DNAJB6: variants seen among roughly 807,000 people sequenced by gnomAD.
DNAJB6 encodes dnaJ homolog subfamily B member 6.
A neutral mutation model predicts 42.7 loss-of-function variants in DNAJB6; 16 were observed. The ratio of observed to expected loss-of-function variants is 0.37; its 90% CI spans 0.25 to 0.57. The LOEUF (loss-of-function observed/expected upper bound fraction) is 0.57. Ranked by LOEUF, DNAJB6 falls within the 20% of genes least tolerant of loss-of-function variation. DNAJB6 has a pLI of 0.74. For missense variants in DNAJB6, 347 were observed against 416.8 expected, an observed-to-expected ratio of 0.83 and a Z score of 1.46; for synonymous variants, 170 against 163.5, an observed-to-expected ratio of 1.04 and a Z score of -0.30.
chr7:157,391,232 A>C (rs1801326043), intron 8 of DNAJB6, among the ~76,000 whole-genome samples: 1 of 152,194 alleles, frequency 6.6e-6, no homozygotes, highest in African/African-American at 2.4e-5. Context: ...TGGAGTTTGC[A>C]GCCTGCGTGA....
At chr7:157,392,099 C>CAAAA (rs57861175) in intron 8 of DNAJB6, among the ~76,000 whole-genome samples, 1,996 of 112,150 alleles carry the variant, frequency 0.018, 60 homozygotes, top group African/African-American at 0.06. Context: ...GACCCTGTCT[C>CAAAA]AAAAAAAAAA....
chr7:157,353,735 C>CTG (rs958383670), intron 1 of DNAJB6, among the ~76,000 whole-genome samples: 2 of 152,082 alleles, frequency 1.3e-5, no homozygotes, highest in Non-Finnish European at 2.9e-5. Context: ...TCCTGACTCA[C>CTG]TGTAGCCTTG....
chr7:157,350,254 G>A (rs2116899365), intron 1 of DNAJB6, among the ~76,000 whole-genome samples: 1 of 152,314 alleles, frequency 6.6e-6, no homozygotes, highest in Non-Finnish European at 1.5e-5. Context: ...GCTCAGAGGG[G>A]AGGGACCAGG....
intron 5 of DNAJB6, chr7:157,369,521 C>T: frequency 2.4e-6 from 1 of 411,416 alleles, no homozygotes; most frequent in Non-Finnish European, 4.8e-6. Flanking sequence ...GCGTCTTCAA[C>T]AGGCCCTGCT....
At position 157,369,284 on chromosome 7, in the gene DNAJB6, C is replaced by T. The variant is rs148202415; in HGVS notation, c.346+1801C>T. On this transcript the variant is annotated intron_variant, in intron 5 of 9. Transcript: ENST00000262177. ...ATATTTCTCTAAGAAAAATAATTTACGGATTGATCTCTGTCTTAAAAATGA... is the reference window on the plus strand; with the variant it reads ...ATATTTCTCTAAGAAAAATAATTTATGGATTGATCTCTGTCTTAAAAATGA... The T allele has an allele frequency of 9.0e-4, 410 of 456,668 alleles. 6 individuals carry two copies. In the East Asian group the frequency reaches 0.026, roughly 29 times the overall value. The allele number at this position is 456,668 out of a possible 1,614,324, so 28.3% of individuals were successfully genotyped here. A position where few individuals can be genotyped will look rare whatever the true frequency, so the allele number is the denominator to read the frequency against.
At chr7:157,404,203 A>C (rs1159897547) in intron 8 of DNAJB6, among the ~76,000 whole-genome samples, 3 of 151,784 alleles carry the variant, frequency 2.0e-5, no homozygotes, top group Non-Finnish European at 4.4e-5. Context: ...TCTTGGGCCC[A>C]AGTGATCTTT....
intron 3 of DNAJB6, among the ~76,000 whole-genome samples, chr7:157,364,103 ATTTTT>A (rs1226948515): frequency 6.8e-6 from 1 of 147,114 alleles, no homozygotes; most frequent in African/African-American, 2.5e-5. Flanking sequence ...AACAAAAAAA[ATTTTT>A]TTTTTTTTTA....
intron 5 of DNAJB6, among the ~76,000 whole-genome samples, chr7:157,374,887 A>G (rs1800394063): frequency 6.6e-6 from 1 of 152,130 alleles, no homozygotes; most frequent in Non-Finnish European, 1.5e-5. Flanking sequence ...TGTTTGGTTC[A>G]CATTGTTGGC....
At chr7:157,400,149 G>A (rs1043764911) in intron 8 of DNAJB6, among the ~76,000 whole-genome samples, 2 of 152,200 alleles carry the variant, frequency 1.3e-5, no homozygotes, top group African/African-American at 4.8e-5. Flanking sequence ...CCTTTTTTCG[G>A]TTTCTTTGTG....
At chr7:157,359,053 G>A (rs886065369) in intron 2 of DNAJB6, among the ~76,000 whole-genome samples, 2 of 152,162 alleles carry the variant, frequency 1.3e-5, no homozygotes, top group African/African-American at 2.4e-5. Flanking sequence ...ATGAAAGTTC[G>A]AGAACTGCAG....
At chr7:157,408,103 C>T (rs1795837639) in intron 8 of DNAJB6, among the ~76,000 whole-genome samples, 1 of 152,182 alleles carries the variant, frequency 6.6e-6, no homozygotes, top group African/African-American at 2.4e-5. Flanking sequence ...TGGCCCCGGG[C>T]TAGGTGACCC....
At chr7:157,348,694 C>T (rs111993866) in intron 1 of DNAJB6, among the ~76,000 whole-genome samples, 1,555 of 152,284 alleles carry the variant, frequency 0.01, 12 homozygotes, top group Non-Finnish European at 0.017. Flanking sequence ...CACACCACCG[C>T]TTAACTCTTC....
chr7:157,381,136 A>C (rs1800744639), intron 5 of DNAJB6: 1 of 151,882 alleles, frequency 6.6e-6, no homozygotes, highest in African/African-American at 2.4e-5. Flanking sequence ...CAGTTGCTTC[A>C]TGAATCTCGA....
At chr7:157,411,868 A>G (rs2116670145) in intron 9 of DNAJB6, 2 of 152,314 alleles carry the variant, frequency 1.3e-5, no homozygotes, top group East Asian at 1.9e-4. Flanking sequence ...CTCCCCACGT[A>G]TTCTCGGCTT....
At chr7:157,398,252 T>G (rs1039750949) in intron 8 of DNAJB6, among the ~76,000 whole-genome samples, 1 of 152,246 alleles carries the variant, frequency 6.6e-6, no homozygotes, top group African/African-American at 2.4e-5. Flanking sequence ...TGGCACACAT[T>G]AAATGTTTGA....
chr7:157,339,945 T>C (rs1015686881), intron 1 of DNAJB6: 1 of 152,220 alleles, frequency 6.6e-6, no homozygotes, highest in African/African-American at 2.4e-5. Context: ...AAGAGTATTA[T>C]AAGAGGGCAC....
chr7:157,345,285 C>T (rs765161428), intron 1 of DNAJB6, among the ~76,000 whole-genome samples: 46 of 152,246 alleles, frequency 3.0e-4, no homozygotes, highest in Non-Finnish European at 5.7e-4. Context: ...TGAGCCACTG[C>T]GCCTGGCTTA....
intron 1 of DNAJB6, among the ~76,000 whole-genome samples, chr7:157,342,937 T>C (rs542372833): frequency 2.3e-5 from 3 of 128,118 alleles, no homozygotes; most frequent in South Asian, 5.1e-4. Context: ...GGAATGAAAA[T>C]TCACTGCTGT....
In DNAJB6 at chr7:157,406,166, G is replaced by A. The variant is rs578123456; in HGVS notation, c.692-3629G>A. On this transcript the variant is annotated intron_variant, in intron 8 of 9. Transcript: ENST00000262177. Reference sequence around the variant, plus strand: ...CCCCTGCTGGCACATCTGTGTCCCAGCCGTGAGGCGGCCGCTCCCTGTCCA... The same window carrying A: ...CCCCTGCTGGCACATCTGTGTCCCAACCGTGAGGCGGCCGCTCCCTGTCCA... Among the ~76,000 whole-genome samples the A allele has an allele frequency of 2.4e-4, 37 of 152,360 alleles. 2 individuals carry two copies. In the South Asian group the frequency reaches 7.5e-3, roughly 31 times the overall value.
Sources: gnomAD v4.1 joint callset for allele counts (sites outside exome capture counted in the v4.1 genomes callset) on GRCh38, gnomAD v4.1.1 for gene constraint, MANE v1.5 for transcripts, NCBI Gene and HGNC (gene_info 2026-07-23, HGNC 2026-07-21) for gene names.